ZNF276: variants seen among roughly 807,000 people sequenced by gnomAD.
The protein encoded by ZNF276 is zinc finger protein 276, also known as centromere protein Z.
A neutral mutation model predicts 63.9 loss-of-function variants in ZNF276; 59 were observed. That is an observed-to-expected ratio of 0.92 (90% CI 0.75 to 1.15). The LOEUF (loss-of-function observed/expected upper bound fraction) is 1.15, where lower values mean the gene tolerates loss of function less well. Ranked by LOEUF, ZNF276 falls within the 50% of genes most tolerant of loss-of-function variation. The pLI, the probability that ZNF276 is intolerant of heterozygous loss-of-function variation, is 0.00. For missense variants in ZNF276, 1,084 were observed against 843.8 expected, an observed-to-expected ratio of 1.28 and a Z score of -3.53; for synonymous variants, 496 against 348.4, an observed-to-expected ratio of 1.42 and a Z score of -4.72.
At position 89,733,048 on chromosome 16, in the gene ZNF276, C is replaced by T. The variant is rs895378066; in HGVS notation, c.1170-254C>T. 3.1e-5 allele frequency: 15 copies of T among 485,424 alleles called. 1 individual carries two copies. Among genetic ancestry groups the T allele is most frequent in the East Asian group, 2.3e-4 (6 of 25,872 alleles). The allele number at this position is 485,424 out of a possible 1,614,324, so 30.1% of individuals were successfully genotyped here. A position where few individuals can be genotyped will look rare whatever the true frequency, so the allele number is the denominator to read the frequency against. On this transcript the variant is annotated intron_variant, in intron 6 of 10. Transcript: ENST00000443381. ...TTTGCCCTGACCCTGCTGTACCCTG[C>T]GCCCTCGCCCTCTGCTGTGTTCACC...
At chr16:89,732,053 G>C (rs2061671725) in intron 6 of ZNF276, 1 of 152,280 alleles carries the variant, frequency 6.6e-6, no homozygotes, top group African/African-American at 2.4e-5. Context: ...CGTGGTGTCT[G>C]CTGTGGGTTT....
intron 6 of ZNF276, among the ~76,000 whole-genome samples, chr16:89,730,686 G>C (rs1049453659): frequency 7.9e-5 from 12 of 152,196 alleles, no homozygotes; most frequent in African/African-American, 2.9e-4. Context: ...AGGCAGGACT[G>C]GGTGGTAGCA....
chr16:89,739,575 C>G lies in ZNF276; in HGVS notation c.*1329C>G. ...AGGTCTGCAACACCAAGAAGTGGCT[C>G]AGGCAACTCTGGACATCTCTGCCTA... is the stretch of plus-strand genomic sequence containing the variant. On this transcript the variant is annotated 3_prime_UTR_variant, in exon 11 of 11. Coordinates refer to ENST00000443381, the MANE Select transcript of ZNF276 (RefSeq NM_001113525.2). 1 of 1,550,426 alleles carries G rather than the reference C, an allele frequency of 6.4e-7. No homozygotes were observed. The highest frequency in any genetic ancestry group is 1.2e-5 in the South Asian group (1 of 84,050).
At chr16:89,720,938 T>C, upstream of ZNF276, 1 of 1,223,948 alleles carries the variant, frequency 8.2e-7, no homozygotes, top group Non-Finnish European at 1.0e-6. Flanking sequence ...CAGCCGGCGC[T>C]GGTGCTGGAG....
rs775393898 is a variant in ZNF276 at position 89,722,715 on chromosome 16, C to T, written c.390C>T (p.Thr130=). The change falls in exon 2 of 11, where the codon ACC becomes ACT. Residue 130 remains threonine, a synonymous_variant. Transcript: ENST00000443381. ...LLGVAVRQDP[T]LSPFVCKSCH... ...GTGTGGCTGTCCGCCAGGACCCCAC[C>T]TTGTCTCCGTTTGTCTGCAAGAGCT... 2 of 1,612,330 alleles carry T rather than the reference C, an allele frequency of 1.2e-6. No individual in the cohort carries two copies. The highest frequency in any genetic ancestry group is 2.2e-5 in the East Asian group (1 of 44,884).
At position 89,740,262 on chromosome 16, in the gene ZNF276, C is replaced by A. The variant is rs1318461004; in HGVS notation, c.*2016C>A. On this transcript the variant is annotated 3_prime_UTR_variant, in exon 11 of 11. Coordinates refer to ENST00000443381, the MANE Select transcript of ZNF276 (RefSeq NM_001113525.2). ...TAGAAGGTAATACTGGGCCTCTGGA[C>A]AGAAGAGGCTCAGGTAGGAGGCCAG... 4 of 687,238 alleles carry A rather than the reference C, an allele frequency of 5.8e-6. No individual in the cohort carries two copies. The Admixed American group carries it at 8.7e-5, about 15-fold the overall frequency. 42.6% of individuals were successfully genotyped at this position (687,238 alleles called of 1,614,324 possible).
chr16:89,734,822 AT>A (rs2061797781), intron 9 of ZNF276, among the ~76,000 whole-genome samples: 1 of 152,188 alleles, frequency 6.6e-6, no homozygotes, highest in African/African-American at 2.4e-5. Context: ...AATTTCTATA[AT>A]GCACAAGTTA....
In ZNF276 at chr16:89,740,904, T is replaced by C. The variant is rs370471310; in HGVS notation, c.*2658T>C. 1.3e-6 allele frequency: 2 copies of C among 1,542,398 alleles called. No homozygotes were observed. Among genetic ancestry groups the C allele is most frequent in the Non-Finnish European group, 1.8e-6 (2 of 1,125,178 alleles). On this transcript the variant is annotated 3_prime_UTR_variant, in exon 11 of 11. Coordinates refer to ENST00000443381, the MANE Select transcript of ZNF276 (RefSeq NM_001113525.2). ...ACGTGCACTTATTATTACATTAAAA[T>C]TACCTGTGCTGTCATTCTAAATAAG...
At chr16:89,727,488 T>C in intron 5 of ZNF276, 131 bp downstream of exon 5, 1 of 1,052,070 alleles carries the variant, frequency 9.5e-7, no homozygotes, top group Non-Finnish European at 1.4e-6. Flanking sequence ...ACAGCCATCG[T>C]AGGGTCGGCT....
At chr16:89,737,933 G>C (rs1460346808) in intron 10 of ZNF276, 28 bp downstream of exon 10, 2 of 1,613,874 alleles carry the variant, frequency 1.2e-6, no homozygotes, top group Non-Finnish European at 1.7e-6. Context: ...CCCCCTCCCA[G>C]GGCTGTGGCC....
At chr16:89,722,931 G>A in intron 2 of ZNF276, 97 bp downstream of exon 2, 1 of 1,557,600 alleles carries the variant, frequency 6.4e-7, no homozygotes, top group South Asian at 1.2e-5. Flanking sequence ...GGGAGCCTCT[G>A]GGTGGGGGGA....
Position 89,740,379 on chromosome 16 carries a change from C to T in ZNF276, c.*2133C>T. 2.0e-6 allele frequency: 1 copy of T among 507,144 alleles called. No homozygotes were observed. The highest frequency in any genetic ancestry group is 3.6e-6 in the Non-Finnish European group (1 of 280,072). 31.4% of individuals were successfully genotyped at this position (507,144 alleles called of 1,614,324 possible). A position where few individuals can be genotyped will look rare whatever the true frequency, so the allele number is the denominator to read the frequency against. On this transcript the variant is annotated 3_prime_UTR_variant, in exon 11 of 11. Transcript: ENST00000443381. Reference sequence around the variant, plus strand: ...CACAGGCCGGATGCAGTGGCTCATGCCTGTAATCCCAACACTTTGGGAGGC... The same window carrying T: ...CACAGGCCGGATGCAGTGGCTCATGTCTGTAATCCCAACACTTTGGGAGGC...
rs2062064072 is a variant in ZNF276 at position 89,739,387 on chromosome 16, CA to C, written c.*1143del. 6.3e-7 allele frequency: 1 copy of C among 1,577,064 alleles called. No homozygotes were observed. The highest frequency in any genetic ancestry group is 1.8e-5 in the Admixed American group (1 of 55,406). ...CTCATCTGTGGAGCAGAGGCACAGA[CA>C]ACCCTTCCCATCTGGCGGGACCCAG... On this transcript the variant is annotated 3_prime_UTR_variant, in exon 11 of 11. Transcript: ENST00000443381.
Position 89,723,278 on chromosome 16 carries a change from G to A in ZNF276, c.575G>A (p.Ser192Asn). Residue 192 changes from serine to asparagine, a missense_variant, in exon 4 of 11, where the codon AGC becomes AAC. Transcript: ENST00000443381. ...GACLVDLITS[S>N]PQCLHGLVGW... ...TCTGCAGTGGATCTGATCACATCCAGCCCCCAGTGCCTGCACGGCTTGGTG... is the reference window on the plus strand; with the variant it reads ...TCTGCAGTGGATCTGATCACATCCAACCCCCAGTGCCTGCACGGCTTGGTG... 6.2e-7 allele frequency: 1 copy of A among 1,612,998 alleles called. No individual in the cohort carries two copies. The highest frequency in any genetic ancestry group is 8.5e-7 in the Non-Finnish European group (1 of 1,179,948).
At chr16:89,725,006 T>G (rs1026314969) in intron 4 of ZNF276, among the ~76,000 whole-genome samples, 1 of 152,234 alleles carries the variant, frequency 6.6e-6, no homozygotes, top group Admixed American at 6.5e-5. Context: ...AGTGCGGTGG[T>G]GCCATCTTGG....
Position 89,723,118 on chromosome 16 carries a change from C to T in ZNF276, c.510-19C>T. The T allele has an allele frequency of 6.2e-7, 1 of 1,613,196 alleles. No homozygotes were observed. The highest frequency in any genetic ancestry group is 8.5e-7 in the Non-Finnish European group (1 of 1,180,030). On this transcript the variant is annotated intron_variant, in intron 2 of 10. Transcript: ENST00000443381. Reference sequence around the variant, plus strand: ...CTCCGCCTGCTTGTCCTGCTCATGGCCACACTGATCCTTTGCAGGGTCGGT... The same window carrying T: ...CTCCGCCTGCTTGTCCTGCTCATGGTCACACTGATCCTTTGCAGGGTCGGT...
chr16:89,723,999 G>T (rs1259603927), intron 4 of ZNF276, among the ~76,000 whole-genome samples: 2 of 152,246 alleles, frequency 1.3e-5, no homozygotes, highest in East Asian at 3.8e-4. Context: ...CTGTGCTTGG[G>T]GCTGAGGGGA....
At chr16:89,733,645 A>G (rs905216574) in intron 8 of ZNF276, 88 bp downstream of exon 8, 2 of 1,494,314 alleles carry the variant, frequency 1.3e-6, no homozygotes, top group Non-Finnish European at 1.9e-6. Context: ...CCTAACTCAG[A>G]CTTGCGCCCA....
chr16:89,734,471 A>G (rs746631054), intron 9 of ZNF276, among the ~76,000 whole-genome samples: 11 of 152,110 alleles, frequency 7.2e-5, no homozygotes, highest in Non-Finnish European at 1.3e-4. Flanking sequence ...GATTACAGGC[A>G]CCCGCAACCA....
Sources: allele counts gnomAD v4.1 joint callset (sites outside exome capture counted in the v4.1 genomes callset), GRCh38; gene constraint gnomAD v4.1.1; transcripts MANE v1.5; gene names NCBI Gene and HGNC (gene_info 2026-07-23, HGNC 2026-07-21).